Variants in SCN9A observed in about 807,000 individuals in gnomAD.
The protein encoded by SCN9A is sodium channel protein type 9 subunit alpha.
A neutral mutation model predicts 187.0 loss-of-function variants in SCN9A; 131 were observed. The ratio of observed to expected loss-of-function variants is 0.70; its 90% confidence interval spans 0.61 to 0.81. The LOEUF is 0.81. Ranked by LOEUF, SCN9A falls within the 30% of genes least tolerant of loss-of-function variation. The pLI, the probability that SCN9A is intolerant of heterozygous loss-of-function variation, is 0.00. For missense variants in SCN9A, 2,252 were observed against 2,396.6 expected, an observed-to-expected ratio of 0.94 and a Z score of 1.26; for synonymous variants, 809 against 808.6, an observed-to-expected ratio of 1.00 and a Z score of -0.01.
intron 1 of SCN9A, among the ~76,000 whole-genome samples, chr2:166,370,359 T>C (rs867816444): frequency 2.4e-4 from 36 of 151,116 alleles, no homozygotes; most frequent in South Asian, 4.2e-4. Flanking sequence ...CTGGCTAACA[T>C]GGTGAAACTC....
intron 6 of SCN9A, among the ~76,000 whole-genome samples, chr2:166,303,734 T>A (rs927870725): frequency 1.2e-4 from 19 of 152,210 alleles, no homozygotes; most frequent in African/African-American, 4.6e-4. Context: ...ATATTTATGA[T>A]CTCTTTCCTA....
intron 17 of SCN9A, among the ~76,000 whole-genome samples, chr2:166,259,742 G>A (rs1377169632): frequency 6.6e-6 from 1 of 151,504 alleles, no homozygotes; most frequent in African/African-American, 2.4e-5. Context: ...AAACAGCATT[G>A]CAAAAAAGTG....
chr2:166,200,959 T>C (rs1693482135), intron 26 of SCN9A, among the ~76,000 whole-genome samples: 1 of 152,152 alleles, frequency 6.6e-6, no homozygotes, highest in Admixed American at 6.5e-5. Context: ...ATTTACTTTA[T>C]ATGTCATGGA....
intron 17 of SCN9A, among the ~76,000 whole-genome samples, chr2:166,271,874 A>AAGAG (rs147667733): frequency 6.7e-6 from 1 of 149,552 alleles, no homozygotes; most frequent in African/African-American, 2.5e-5. Context: ...TAAAAAAAAG[A>AAGAG]AGAGAGAGAG....
chr2:166,342,744 A>G (rs1699815888), intron 1 of SCN9A, among the ~76,000 whole-genome samples: 1 of 152,226 alleles, frequency 6.6e-6, no homozygotes, highest in South Asian at 2.1e-4. Context: ...TTATTTTATC[A>G]TTATTTTTTA....
At chr2:166,257,370 T>C (rs960479864) in intron 17 of SCN9A, among the ~76,000 whole-genome samples, 1 of 151,676 alleles carries the variant, frequency 6.6e-6, no homozygotes, top group African/African-American at 2.4e-5. Context: ...CAAAGTAAGC[T>C]ACCTAGATAT....
At chr2:166,287,053 A>G (rs1697796379) in intron 10 of SCN9A, among the ~76,000 whole-genome samples, 1 of 152,278 alleles carries the variant, frequency 6.6e-6, no homozygotes. Flanking sequence ...AAAATAAATG[A>G]ATTATTAAAG....
At chr2:166,301,857 G>C (rs1314799463) in intron 7 of SCN9A, 1 of 150,850 alleles carries the variant, frequency 6.6e-6, no homozygotes, top group African/African-American at 2.5e-5. Context: ...GGGAAAATAT[G>C]CTAAATTCCT....
intron 1 of SCN9A, among the ~76,000 whole-genome samples, chr2:166,345,307 T>G (rs1385455883): frequency 1.3e-5 from 1 of 79,246 alleles, no homozygotes; most frequent in Non-Finnish European, 2.5e-5. Context: ...TGTGCATAAC[T>G]TAGAAAAAAA....
rs1698165031 is a variant in SCN9A, at chr2:166,293,384, A to G, written c.966-12T>C. Reference sequence around the variant, plus strand: ...CCTCTGGACACTGACTACACACGAGAAAGAACATTATAGGTGAGAGTGTCT... The same window carrying G: ...CCTCTGGACACTGACTACACACGAGGAAGAACATTATAGGTGAGAGTGTCT... On this transcript the variant is annotated splice_polypyrimidine_tract_variant and intron_variant, in intron 8 of 26. Transcript: ENST00000642356. 1 of 1,595,932 alleles carries G rather than the reference A, an allele frequency of 6.3e-7. No homozygotes were observed. Among genetic ancestry groups the G allele is most frequent in the Admixed American group, 1.7e-5 (1 of 58,060 alleles).
intron 24 of SCN9A, among the ~76,000 whole-genome samples, chr2:166,207,869 A>G (rs1296002234): frequency 1.3e-5 from 2 of 152,194 alleles, no homozygotes; most frequent in Non-Finnish European, 2.9e-5. Flanking sequence ...AGAAACCCAG[A>G]TCCTTTACTG....
intron 1 of SCN9A, among the ~76,000 whole-genome samples, chr2:166,366,257 A>G (rs1700414053): frequency 1.3e-5 from 2 of 152,330 alleles, no homozygotes; most frequent in African/African-American, 4.8e-5. Context: ...CCTGTTAAGC[A>G]TATCTGTCAC....
chr2:166,272,730 C>T lies in SCN9A; in HGVS notation c.3020G>A (p.Arg1007His), dbSNP rs188145203. ...GGAAAATGCTTTTAGAATAAATTCACGTAAGGTTTGTTTCACATAATTTAT... is the reference window on the plus strand; with the variant it reads ...GGAAAATGCTTTTAGAATAAATTCATGTAAGGTTTGTTTCACATAATTTAT... Reference protein sequence around the residue: ...KGINYVKQTLREFILKAFSKK... With the variant: ...KGINYVKQTLHEFILKAFSKK... The change falls in exon 17 of 27, where the codon CGT becomes CAT. Residue 1007 changes from arginine (R) to histidine (H), a missense_variant. This residue lies in a region of SCN9A where 313 missense variants were observed against 295.3 expected (regional missense o/e 1.06). Coordinates refer to ENST00000642356, the MANE Select transcript of SCN9A (RefSeq NM_001365536.1). 1.5e-4 allele frequency: 231 copies of T among 1,585,242 alleles called. 1 individual carries two copies. The African/African-American group carries it at 2.3e-3, about 16-fold the overall frequency.
At chr2:166,244,916 G>T (rs1341844458) in intron 18 of SCN9A, among the ~76,000 whole-genome samples, 1 of 152,022 alleles carries the variant, frequency 6.6e-6, no homozygotes, top group East Asian at 1.9e-4. Flanking sequence ...TGGAGGAAAT[G>T]CCAATAAAAC....
At chr2:166,292,375 GTTTC>G (rs980497665) in intron 9 of SCN9A, among the ~76,000 whole-genome samples, 19 of 151,890 alleles carry the variant, frequency 1.3e-4, no homozygotes, top group African/African-American at 2.7e-4. Context: ...TTTTATTTGT[GTTTC>G]TTTAATTTTG....
chr2:166,204,487 A>C, intron 24 of SCN9A, 23 bp from the exon 25 acceptor site: 1 of 1,468,886 alleles, frequency 6.8e-7, no homozygotes, highest in Non-Finnish European at 9.3e-7. Context: ...ACAAAAAATA[A>C]ATGTAGTTAA....
intron 1 of SCN9A, among the ~76,000 whole-genome samples, chr2:166,355,220 G>C (rs1371300782): frequency 6.6e-6 from 1 of 151,840 alleles, no homozygotes; most frequent in Non-Finnish European, 1.5e-5. Context: ...TAACAGGCAT[G>C]AGCCACCACA....
chr2:166,237,158 A>C (rs907985984), intron 20 of SCN9A, among the ~76,000 whole-genome samples: 1 of 151,608 alleles, frequency 6.6e-6, no homozygotes, highest in Non-Finnish European at 1.5e-5. Context: ...CATTTTAATT[A>C]ATACAAAATA....
intron 24 of SCN9A, among the ~76,000 whole-genome samples, chr2:166,209,212 T>A (rs138445844): frequency 1.8e-3 from 280 of 152,332 alleles, no homozygotes; most frequent in African/African-American, 6.4e-3. Context: ...TTGTGTCGGA[T>A]GGCTGACAGG....
Sources: allele counts gnomAD v4.1 joint callset (sites outside exome capture counted in the v4.1 genomes callset), GRCh38; gene constraint gnomAD v4.1.1; regional missense constraint gnomAD v4.1.1; transcripts MANE v1.5; gene names NCBI Gene and HGNC (gene_info 2026-07-23, HGNC 2026-07-21).